XPR1: variants seen among roughly 807,000 people sequenced by gnomAD.
The protein encoded by XPR1 is xenotropic and polytropic retrovirus receptor 1, also known as solute carrier family 53 member 1.
A neutral mutation model predicts 87.5 loss-of-function variants in XPR1; 28 were observed. That is an observed-to-expected ratio of 0.32 (90% confidence interval 0.24 to 0.44). The LOEUF (loss-of-function observed/expected upper bound fraction) is 0.44, where lower values mean the gene tolerates loss of function less well. Ranked by LOEUF, XPR1 falls within the 20% of genes least tolerant of loss-of-function variation. XPR1 has a pLI of 1.00. For missense variants in XPR1, 559 were observed against 862.3 expected, an observed-to-expected ratio of 0.65 and a Z score of 4.41; for synonymous variants, 300 against 306.1, an observed-to-expected ratio of 0.98 and a Z score of 0.21.
rs569065473 is a variant in XPR1 at position 180,745,494 on chromosome 1, T to C, written c.122-42259T>C. Reference sequence around the variant, plus strand: ...AAGAAAGTTTCTCTTCCTCAGTGTTTTAGGCTCTTCCAGGCCCCTGTTACT... The same window carrying C: ...AAGAAAGTTTCTCTTCCTCAGTGTTCTAGGCTCTTCCAGGCCCCTGTTACT... On this transcript the variant is annotated intron_variant, in intron 2 of 14. Transcript: ENST00000367590. Among the ~76,000 whole-genome samples the C allele has an allele frequency of 7.9e-4, 120 of 152,324 alleles. 1 individual carries two copies. In the Middle Eastern group the frequency reaches 0.017, roughly 22 times the overall value.
intron 3 of XPR1, among the ~76,000 whole-genome samples, chr1:180,797,105 A>G (rs1009926543): frequency 1.3e-5 from 2 of 152,210 alleles, no homozygotes; most frequent in African/African-American, 2.4e-5. Flanking sequence ...GCACAACTCT[A>G]TAAATTTACT....
rs112832412 is a variant in XPR1 at position 180,703,223 on chromosome 1, CAT to C, written c.121+20813_121+20814del. ...GACATGTCCCCAAGCCACTGGATGG[CAT>C]GTGTGGATGCCAGCAGTAGTGATCA... On this transcript the variant is annotated intron_variant, in intron 2 of 14. Transcript: ENST00000367590. Among the ~76,000 whole-genome samples the C allele has an allele frequency of 1.6e-3, 248 of 152,188 alleles. 1 individual carries two copies. The highest frequency in any genetic ancestry group is 5.6e-3 in the African/African-American group (234 of 41,522).
At chr1:180,690,610 C>T (rs1227690610) in intron 2 of XPR1, among the ~76,000 whole-genome samples, 1 of 151,914 alleles carries the variant, frequency 6.6e-6, no homozygotes, top group African/African-American at 2.4e-5. Flanking sequence ...CTCTTGCAGT[C>T]TAATATAGCC....
At chr1:180,714,791 T>A (rs950120066) in intron 2 of XPR1, among the ~76,000 whole-genome samples, 1 of 152,182 alleles carries the variant, frequency 6.6e-6, no homozygotes, top group Non-Finnish European at 1.5e-5. Flanking sequence ...TTCTAGTTTT[T>A]TTTTTAAAGT....
intron 1 of XPR1, among the ~76,000 whole-genome samples, chr1:180,634,737 C>G (rs1654710882): frequency 6.6e-6 from 1 of 151,864 alleles, no homozygotes; most frequent in African/African-American, 2.4e-5. Flanking sequence ...AACTGTTCAG[C>G]TTCTTTGGTT....
At chr1:180,762,487 C>T (rs1165561760) in intron 2 of XPR1, among the ~76,000 whole-genome samples, 1 of 152,098 alleles carries the variant, frequency 6.6e-6, no homozygotes, top group East Asian at 1.9e-4. Flanking sequence ...CCAGTGAATA[C>T]ATGCCATTTA....
chr1:180,644,087 G>T (rs182491915), intron 1 of XPR1, among the ~76,000 whole-genome samples: 9 of 152,200 alleles, frequency 5.9e-5, no homozygotes, highest in Admixed American at 5.2e-4. Flanking sequence ...ACATCTGGGT[G>T]GCAAATTACT....
At chr1:180,689,076 T>G (rs1325996009) in intron 2 of XPR1, among the ~76,000 whole-genome samples, 1 of 152,180 alleles carries the variant, frequency 6.6e-6, no homozygotes, top group African/African-American at 2.4e-5. Flanking sequence ...TGGAAAAATA[T>G]GAGAATCCAA....
intron 2 of XPR1, among the ~76,000 whole-genome samples, chr1:180,722,630 C>A (rs1187046768): frequency 6.6e-6 from 1 of 151,988 alleles, no homozygotes. Flanking sequence ...TAGTTATTAA[C>A]CTTGATTTGA....
chr1:180,653,738 T>G (rs1040220882), intron 1 of XPR1, among the ~76,000 whole-genome samples: 2 of 152,172 alleles, frequency 1.3e-5, no homozygotes, highest in Non-Finnish European at 2.9e-5. Flanking sequence ...CTCTTGTACT[T>G]TGAGGCCATT....
At chr1:180,729,265 C>T (rs138227257) in intron 2 of XPR1, among the ~76,000 whole-genome samples, 10 of 152,168 alleles carry the variant, frequency 6.6e-5, no homozygotes, top group African/African-American at 2.2e-4. Flanking sequence ...AGGTTGATTC[C>T]CTGTCTTCGC....
intron 2 of XPR1, among the ~76,000 whole-genome samples, chr1:180,718,214 T>C (rs1658062197): frequency 6.6e-6 from 1 of 152,214 alleles, no homozygotes; most frequent in South Asian, 2.1e-4. Flanking sequence ...CACTGAACTT[T>C]TCTAGAAATG....
At position 180,825,427 on chromosome 1, in the gene XPR1, T is replaced by G. The variant is rs1650793613; in HGVS notation, c.1134+83T>G. 10 of 1,389,376 alleles carry G rather than the reference T, an allele frequency of 7.2e-6. No individual in the cohort carries two copies. In the East Asian group the frequency reaches 2.3e-4, roughly 33 times the overall value. 86.1% of individuals were successfully genotyped at this position (1,389,376 alleles called of 1,614,324 possible). A position where few individuals can be genotyped will look rare whatever the true frequency, so the allele number is the denominator to read the frequency against. On this transcript the variant is annotated intron_variant, in intron 9 of 14. Coordinates refer to ENST00000367590, the MANE Select transcript of XPR1 (RefSeq NM_004736.4). ...CTAAGATAAAACCAAGGCTGCTAGG[T>G]TGTACAACTGCAGAGGCCGTGGTTC...
At chr1:180,798,437 G>A (rs1394875347) in intron 3 of XPR1, among the ~76,000 whole-genome samples, 1 of 152,142 alleles carries the variant, frequency 6.6e-6, no homozygotes, top group African/African-American at 2.4e-5. Flanking sequence ...AGAGTTGTAA[G>A]AGACAAAGTA....
chr1:180,830,185 T>G (rs1287675949), intron 9 of XPR1, among the ~76,000 whole-genome samples: 2 of 152,216 alleles, frequency 1.3e-5, no homozygotes, highest in South Asian at 2.1e-4. Context: ...TGCCAGAGCT[T>G]CTTCGTGCAT....
intron 12 of XPR1, among the ~76,000 whole-genome samples, chr1:180,864,719 CAA>C (rs1430491407): frequency 7.2e-5 from 11 of 151,778 alleles, no homozygotes; most frequent in Non-Finnish European, 1.5e-4. Context: ...ATTAAAAAGT[CAA>C]AAAATCAAAA....
chr1:180,872,822 C>T (rs1161283144), intron 12 of XPR1, among the ~76,000 whole-genome samples: 7 of 151,964 alleles, frequency 4.6e-5, no homozygotes, highest in South Asian at 2.1e-4. Context: ...TGTTCCTATT[C>T]GGCCATCTTG....
At chr1:180,805,991 A>G in intron 4 of XPR1, 71 bp from the exon 5 acceptor site, 1 of 1,522,694 alleles carries the variant, frequency 6.6e-7, no homozygotes. Context: ...GTCAGTGCTT[A>G]GTGCTTATTC....
At chr1:180,679,136 A>G (rs992028700) in intron 1 of XPR1, among the ~76,000 whole-genome samples, 2 of 152,262 alleles carry the variant, frequency 1.3e-5, no homozygotes, top group Admixed American at 6.5e-5. Flanking sequence ...CGGAGCTTGC[A>G]GTGAGCCGAG....
Sources: gnomAD v4.1 joint callset for allele counts (sites outside exome capture counted in the v4.1 genomes callset) on GRCh38, gnomAD v4.1.1 for gene constraint, MANE v1.5 for transcripts, NCBI Gene and HGNC (gene_info 2026-07-23, HGNC 2026-07-21) for gene names.